VPS13D: variants seen among roughly 807,000 people sequenced by gnomAD.
VPS13D encodes vacuolar protein sorting 13 homolog D.
VPS13D carries 187 observed loss-of-function variants against 461.9 expected under a neutral mutation model. That is an observed-to-expected ratio of 0.40 (90% confidence interval 0.36 to 0.46). VPS13D has a LOEUF of 0.46. Among genes scored for constraint, VPS13D ranks in the 20% least tolerant of loss-of-function variants. VPS13D has a pLI of 0.60. For missense variants in VPS13D, 4,711 were observed against 5,364.9 expected (o/e 0.88, Z 3.81); for synonymous variants, 1,951 against 1,986.3 (o/e 0.98, Z 0.47).
At chr1:12,323,400 C>T (rs1388967296) in intron 34 of VPS13D, among the ~76,000 whole-genome samples, 1 of 152,036 alleles carries the variant, frequency 6.6e-6, no homozygotes, top group Non-Finnish European at 1.5e-5. Context: ...CTGTTTCAAA[C>T]ACAGTCAGGG....
At chr1:12,419,730 T>C (rs978768790) in intron 65 of VPS13D, among the ~76,000 whole-genome samples, 25 of 152,146 alleles carry the variant, frequency 1.6e-4, no homozygotes, top group Admixed American at 1.1e-3. Flanking sequence ...AGCTCCAACA[T>C]TGGGGATTAT....
intron 67 of VPS13D, among the ~76,000 whole-genome samples, chr1:12,476,279 G>C (rs766691177): frequency 1.1e-4 from 17 of 152,346 alleles, no homozygotes; most frequent in Non-Finnish European, 2.2e-4. Flanking sequence ...AAGTCAACAG[G>C]AAGCAGGGGC....
At chr1:12,267,092 A>T in intron 14 of VPS13D, 81 bp downstream of exon 14, 1 of 1,368,654 alleles carries the variant, frequency 7.3e-7, no homozygotes, top group Non-Finnish European at 9.7e-7. Context: ...TAACTGATTC[A>T]TTCTGACATT....
chr1:12,403,185 A>G (rs890030173), intron 62 of VPS13D, among the ~76,000 whole-genome samples: 9 of 152,264 alleles, frequency 5.9e-5, no homozygotes, highest in Non-Finnish European at 1.2e-4. Context: ...ATGTGCATAC[A>G]GCATCAAGTG....
At chr1:12,335,385 T>G (rs1000252485) in intron 38 of VPS13D, among the ~76,000 whole-genome samples, 1 of 152,218 alleles carries the variant, frequency 6.6e-6, no homozygotes, top group African/African-American at 2.4e-5. Context: ...AATTTTAGAT[T>G]CAGCTTTTAA....
chr1:12,490,367 A>G (rs1470503189), intron 67 of VPS13D, among the ~76,000 whole-genome samples: 2 of 152,180 alleles, frequency 1.3e-5, no homozygotes, highest in Non-Finnish European at 2.9e-5. Flanking sequence ...TAGAAGGTGT[A>G]TTTCTCTTTC....
In VPS13D at chr1:12,362,725, G is replaced by T; in HGVS notation, c.10147G>T (p.Asp3383Tyr). The change falls in exon 51 of 70, where the codon GAT (aspartate) becomes TAT (tyrosine). Residue 3383 changes from aspartate (D) to tyrosine (Y), a missense_variant. Physicochemically the swap from Asp to Tyr is radical, Grantham distance 160. This residue lies in a region of VPS13D where 4,411 missense variants were observed against 4,937.8 expected (regional missense o/e 0.89). Coordinates refer to ENST00000620676, the MANE Select transcript of VPS13D (RefSeq NM_015378.4). Reference protein sequence around the residue: ...RPGLIYNIGIDVKKGRGRYID... With the variant: ...RPGLIYNIGIYVKKGRGRYID... The stretch of plus-strand genomic sequence containing the variant: ...GTGGTTCTTGTTATTTGTAGGTATT[G>T]ATGTCAAGAAAGGCCGAGGTCGATA... 6.2e-7 allele frequency: 1 copy of T among 1,613,994 alleles called. No homozygotes were observed.
chr1:12,492,527 G>A (rs578119447), intron 67 of VPS13D, among the ~76,000 whole-genome samples: 4 of 152,306 alleles, frequency 2.6e-5, no homozygotes, highest in Non-Finnish European at 2.9e-5. Context: ...GATATAGATC[G>A]CTAGGGCCCC....
chr1:12,495,092 C>T lies in VPS13D; in HGVS notation c.12663-2408C>T, dbSNP rs1451403964. 6.6e-6 allele frequency among the ~76,000 whole-genome samples: 1 copy of T among 152,124 alleles called. No individual in the cohort carries two copies. Among genetic ancestry groups the T allele is most frequent in the African/African-American group, 2.4e-5 (1 of 41,402 alleles). ...CCAAGCAGTAAATAACATGTTTATC[C>T]ACCTGGGATGGAAAGCAAATGTGCT... On this transcript the variant is annotated intron_variant, in intron 67 of 69. Coordinates refer to ENST00000620676, the MANE Select transcript of VPS13D (RefSeq NM_015378.4). This position sits in a 1 kb window ranked among gnomAD's most constrained non-coding sequence, Gnocchi z 4.0.
chr1:12,363,518 G>C (rs1212966053), intron 52 of VPS13D, among the ~76,000 whole-genome samples: 1 of 152,174 alleles, frequency 6.6e-6, no homozygotes, highest in African/African-American at 2.4e-5. Context: ...TGAAAGGTCT[G>C]TCTGCATTTA....
intron 29 of VPS13D, among the ~76,000 whole-genome samples, chr1:12,312,843 T>G (rs1295622624): frequency 6.6e-6 from 1 of 152,198 alleles, no homozygotes; most frequent in Non-Finnish European, 1.5e-5. Context: ...CAATACTAGG[T>G]CCATGTTCTC....
In VPS13D at chr1:12,507,024, GGTGACCAAGAAAGCC is replaced by G; in HGVS notation, c.12971_12985del (p.Thr4324_Val4328del). 1 of 1,614,276 alleles carries G rather than the reference GGTGACCAAGAAAGCC, an allele frequency of 6.2e-7. No individual in the cohort carries two copies. The highest frequency in any genetic ancestry group is 8.5e-7 in the Non-Finnish European group (1 of 1,180,050). ...AAGACCATGGGAAGGTGTATGTGCA[GGTGACCAAGAAAGCC>G]GTGAGCACGAGCAGTGGAGTGTCCA... On this transcript the variant is annotated inframe_deletion, in exon 69 of 70. Coordinates refer to ENST00000620676, the MANE Select transcript of VPS13D (RefSeq NM_015378.4). The surrounding 1 kb of genome is among the most constrained non-coding windows in gnomAD (Gnocchi z 5.3).
At chr1:12,310,742 TAAG>T (rs1227996874) in intron 27 of VPS13D, among the ~76,000 whole-genome samples, 1 of 152,128 alleles carries the variant, frequency 6.6e-6, no homozygotes, top group Non-Finnish European at 1.5e-5. Flanking sequence ...ATACTAGGTT[TAAG>T]GATTTCCCTC....
Position 12,507,763 on chromosome 1 carries a change from G to A in VPS13D, c.13035+670G>A, listed in dbSNP as rs922647062. Among the ~76,000 whole-genome samples, 1 of 152,238 alleles carries A rather than the reference G, an allele frequency of 6.6e-6. No homozygotes were observed. Among genetic ancestry groups the A allele is most frequent in the Non-Finnish European group, 1.5e-5 (1 of 68,038 alleles). On this transcript the variant is annotated intron_variant, in intron 69 of 69. Transcript: ENST00000620676. This position sits in a 1 kb window ranked among gnomAD's most constrained non-coding sequence, Gnocchi z 5.3. ...AAGGCTACACAGCTGACCTTGAGGAGCCGGGGTTCAAATCCGAGTGGCTTG... is the reference window on the plus strand; with the variant it reads ...AAGGCTACACAGCTGACCTTGAGGAACCGGGGTTCAAATCCGAGTGGCTTG...
At chr1:12,471,514 A>G (rs184248710) in intron 67 of VPS13D, among the ~76,000 whole-genome samples, 1 of 152,044 alleles carries the variant, frequency 6.6e-6, no homozygotes, top group Admixed American at 6.6e-5. Flanking sequence ...CACTTTCAAC[A>G]CTTTGGGCTG....
chr1:12,266,757 G>T, intron 13 of VPS13D, 124 bp from the exon 14 acceptor site: 3 of 962,410 alleles, frequency 3.1e-6, no homozygotes, highest in Non-Finnish European at 2.8e-6. Flanking sequence ...TTGTTTGTTT[G>T]TTTAATTTCA....
intron 12 of VPS13D, among the ~76,000 whole-genome samples, 199 bp downstream of exon 12, chr1:12,261,348 A>G (rs950400774): frequency 6.6e-6 from 1 of 152,228 alleles, no homozygotes; most frequent in Non-Finnish European, 1.5e-5. Context: ...GCAGTTTCAG[A>G]AAGAGCTGAG....
intron 17 of VPS13D, among the ~76,000 whole-genome samples, chr1:12,272,505 G>A (rs779095566): frequency 1.1e-4 from 16 of 151,526 alleles, no homozygotes; most frequent in Non-Finnish European, 2.2e-4. Flanking sequence ...ATTAGCTTTT[G>A]CCACATACAT....
chr1:12,381,888 G>C (rs954396763), intron 57 of VPS13D, among the ~76,000 whole-genome samples: 1 of 150,722 alleles, frequency 6.6e-6, no homozygotes, highest in Admixed American at 6.7e-5. Context: ...GCTGAAGTCA[G>C]TCAGTCTGTC....
Sources: gnomAD v4.1 joint callset for allele counts (sites outside exome capture counted in the v4.1 genomes callset) on GRCh38, gnomAD v4.1.1 for gene constraint, gnomAD v4.1.1 regional missense constraint, Gnocchi (gnomAD v3.1) non-coding constraint, MANE v1.5 for transcripts, NCBI Gene and HGNC (gene_info 2026-07-23, HGNC 2026-07-21) for gene names.